The following C3orf52 variants were observed in gnomAD, a reference collection of about 807,000 sequenced individuals.
C3orf52 encodes TPA-induced transmembrane protein.
C3orf52 carries 22 observed loss-of-function variants against 24.8 expected under a neutral mutation model. That is an observed-to-expected ratio of 0.89 (90% CI 0.63 to 1.27). C3orf52 has a LOEUF of 1.27. C3orf52 is among the 50% of genes most tolerant of loss of function. The pLI, the probability that C3orf52 is intolerant of heterozygous loss-of-function variation, is 0.00. For missense variants in C3orf52, 265 were observed against 260.7 expected, an observed-to-expected ratio of 1.02 and a Z score of -0.11; for synonymous variants, 93 against 100.2, an observed-to-expected ratio of 0.93 and a Z score of 0.43.
At chr3:112,130,414 C>T, downstream of C3orf52, 2 of 1,590,014 alleles carry the variant, frequency 1.3e-6, no homozygotes, top group African/African-American at 1.3e-5. Flanking sequence ...TGGGCAAGGT[C>T]TGGGGGGTGT....
chr3:112,091,486 G>A (rs533358134), intron 1 of C3orf52, among the ~76,000 whole-genome samples: 2 of 152,248 alleles, frequency 1.3e-5, no homozygotes, highest in East Asian at 1.9e-4. Context: ...CCTAACTCCC[G>A]AAAGGTGGGA....
chr3:112,129,613 T>C (rs750260983), downstream of C3orf52: 1 of 152,220 alleles, frequency 6.6e-6, no homozygotes, highest in Non-Finnish European at 1.5e-5. Context: ...GTGGCCCTTC[T>C]GATTTATTTC....
intron 2 of C3orf52, among the ~76,000 whole-genome samples, chr3:112,098,265 A>G (rs2073942076): frequency 6.6e-6 from 1 of 152,178 alleles, no homozygotes; most frequent in African/African-American, 2.4e-5. Flanking sequence ...CTCCTGCCTT[A>G]TTGTCAGCTT....
At chr3:112,110,100 C>T (rs1480964651) in intron 4 of C3orf52, among the ~76,000 whole-genome samples, 6 of 152,108 alleles carry the variant, frequency 3.9e-5, no homozygotes, top group African/African-American at 1.2e-4. Flanking sequence ...GAGGCCAAGG[C>T]GGGCAGATCA....
rs533739942 is a variant in C3orf52 at position 112,118,078 on chromosome 3, A to G, written c.*1432A>G. 1 of 152,326 alleles carries G rather than the reference A, an allele frequency of 6.6e-6. No homozygotes were observed. The highest frequency in any genetic ancestry group is 6.5e-5 in the Admixed American group (1 of 15,300). The allele number at this position is 152,326 out of a possible 1,614,324, so 9.4% of individuals were successfully genotyped here. A position where few individuals can be genotyped will look rare whatever the true frequency, so the allele number is the denominator to read the frequency against. On this transcript the variant is annotated 3_prime_UTR_variant, in exon 6 of 6. Coordinates refer to ENST00000264848, the MANE Select transcript of C3orf52 (RefSeq NM_024616.3). ...TTCCTTAAACTAGTGAAACTAGTGG[A>G]TTTCTCTTCTTCCTCTTTATTTTCT...
chr3:112,125,225 C>T (rs936542158), intron 4 of C3orf52: 20 of 1,563,210 alleles, frequency 1.3e-5, no homozygotes, highest in Non-Finnish European at 1.8e-5. Context: ...GTTCTTATTA[C>T]CTGGATGGGA....
intron 1 of C3orf52, among the ~76,000 whole-genome samples, chr3:112,087,899 A>G (rs1405095221): frequency 1.3e-5 from 2 of 152,228 alleles, no homozygotes; most frequent in Non-Finnish European, 1.5e-5. Context: ...AGTGTGTCCC[A>G]GAGGCAAGCC....
intron 4 of C3orf52, chr3:112,123,339 AG>A: frequency 6.6e-7 from 1 of 1,506,810 alleles, no homozygotes; most frequent in South Asian, 1.4e-5. Flanking sequence ...CTGCAGGGAA[AG>A]GGTTGTTGTG....
At chr3:112,106,716 T>G (rs1015908853) in intron 3 of C3orf52, among the ~76,000 whole-genome samples, 8 of 152,218 alleles carry the variant, frequency 5.3e-5, no homozygotes, top group African/African-American at 1.9e-4. Flanking sequence ...TTCCCTTGAC[T>G]TTTCTAAACA....
intron 1 of C3orf52, among the ~76,000 whole-genome samples, chr3:112,087,377 A>T (rs925064610): frequency 1.3e-5 from 2 of 152,114 alleles, no homozygotes; most frequent in African/African-American, 4.8e-5. Context: ...CTCATCAAAG[A>T]CTTGTAAAAC....
chr3:112,123,669 T>G, intron 4 of C3orf52: 1 of 1,614,036 alleles, frequency 6.2e-7, no homozygotes, highest in East Asian at 2.2e-5. Context: ...GGGAACATTC[T>G]CATAGTACTC....
At chr3:112,094,273 G>T (rs867671957) in intron 2 of C3orf52, among the ~76,000 whole-genome samples, 24 of 152,196 alleles carry the variant, frequency 1.6e-4, no homozygotes, top group African/African-American at 5.5e-4. Flanking sequence ...GGGATTAGAG[G>T]CATGAGCCAC....
At position 112,099,206 on chromosome 3, in the gene C3orf52, A is replaced by G. The variant is rs2073950699; in HGVS notation, c.269-3632A>G. 5.3e-5 allele frequency among the ~76,000 whole-genome samples: 8 copies of G among 152,110 alleles called. 1 individual carries two copies. Among genetic ancestry groups the G allele is most frequent in the Admixed American group, 5.2e-4 (8 of 15,272 alleles). On this transcript the variant is annotated intron_variant, in intron 2 of 5. Coordinates refer to ENST00000264848, the MANE Select transcript of C3orf52 (RefSeq NM_024616.3). ...GTTAAGCCCGCAGAACTGTAAGACAATTAAACCTCTTTTCTTCATAAATTG... is the reference window on the plus strand; with the variant it reads ...GTTAAGCCCGCAGAACTGTAAGACAGTTAAACCTCTTTTCTTCATAAATTG...
chr3:112,119,803 A>T (rs2074171278), downstream of C3orf52, among the ~76,000 whole-genome samples: 1 of 152,224 alleles, frequency 6.6e-6, no homozygotes, highest in Non-Finnish European at 1.5e-5. Context: ...GTGACTAGAG[A>T]TTACAGACTC....
chr3:112,096,106 C>T (rs2073924286), intron 2 of C3orf52, among the ~76,000 whole-genome samples: 2 of 152,156 alleles, frequency 1.3e-5, no homozygotes, highest in Non-Finnish European at 2.9e-5. Context: ...TTCTCTAGAC[C>T]CCTTAATCTC....
intron 4 of C3orf52, chr3:112,123,562 G>C: frequency 1.2e-6 from 2 of 1,614,178 alleles, no homozygotes; most frequent in South Asian, 1.1e-5. Flanking sequence ...TCATCTTCTG[G>C]GGATCGGGCA....
At chr3:112,124,337 G>A (rs929387555) in intron 4 of C3orf52, among the ~76,000 whole-genome samples, 1 of 152,170 alleles carries the variant, frequency 6.6e-6, no homozygotes. Flanking sequence ...GGCTGGGCAC[G>A]GTGGCTCACA....
At chr3:112,132,499 G>T (rs529092786), downstream of C3orf52, 7 of 232,334 alleles carry the variant, frequency 3.0e-5, no homozygotes, top group Non-Finnish European at 4.9e-5. Flanking sequence ...TTTATGTCAG[G>T]CACTATGCTA....
rs1463574556 is a variant in C3orf52 at position 112,112,968 on chromosome 3, G to A, written c.472G>A (p.Glu158Lys). The change falls in exon 5 of 6, where the codon GAA becomes AAA. Residue 158 changes from glutamate (E) to lysine (K), a missense_variant. Glu to Lys is a moderately conservative substitution (Grantham distance 56, BLOSUM62 1). Coordinates refer to ENST00000264848, the MANE Select transcript of C3orf52 (RefSeq NM_024616.3). ...TSVEIVDFSG[E>K]NATVTYDLQF... ...ATGTCTTCCATTGCCTTTCAGTGGT[G>A]AAAATGCCACAGTAACGTATGACCT... 6.2e-7 allele frequency: 1 copy of A among 1,605,972 alleles called. No individual in the cohort carries two copies. Among genetic ancestry groups the A allele is most frequent in the Admixed American group, 1.7e-5 (1 of 58,936 alleles).
Sources: allele counts gnomAD v4.1 joint callset (sites outside exome capture counted in the v4.1 genomes callset), GRCh38; gene constraint gnomAD v4.1.1; transcripts MANE v1.5; gene names NCBI Gene and HGNC (gene_info 2026-07-23, HGNC 2026-07-21).